The following SYNPR variants were observed in gnomAD, a reference collection of about 807,000 sequenced individuals.
SYNPR encodes synaptoporin.
Under a neutral mutation model 32.9 loss-of-function variants are expected in SYNPR, and 23 were observed. The observed-to-expected ratio is 0.70, with a 90% confidence interval of 0.50 to 0.99. The LOEUF (loss-of-function observed/expected upper bound fraction) is 0.99, where lower values mean the gene tolerates loss of function less well. Among genes scored for constraint, SYNPR ranks in the 50% least tolerant of loss-of-function variants. The pLI is 0.00. For synonymous variants in SYNPR, 146 were observed against 135.9 expected (o/e 1.07, Z -0.52); for missense variants, 318 against 349.3 (o/e 0.91, Z 0.71).
At chr3:63,318,712 C>G (rs914939988) in intron 2 of SYNPR, among the ~76,000 whole-genome samples, 1 of 151,934 alleles carries the variant, frequency 6.6e-6, no homozygotes, top group Non-Finnish European at 1.5e-5. Flanking sequence ...TTCTCTAGTC[C>G]TTCCCTGATT....
At chr3:63,276,952 G>T (rs2086581340), upstream of SYNPR, among the ~76,000 whole-genome samples, 1 of 150,448 alleles carries the variant, frequency 6.6e-6, no homozygotes, top group African/African-American at 2.5e-5. Context: ...AACCTTTTTG[G>T]CAAATCTTTA....
At chr3:63,570,131 G>A (rs970648568) in intron 4 of SYNPR, among the ~76,000 whole-genome samples, 4 of 152,150 alleles carry the variant, frequency 2.6e-5, no homozygotes, top group Admixed American at 2.6e-4. Flanking sequence ...TTCCTGATTA[G>A]AAGATATAGC....
intron 2 of SYNPR, among the ~76,000 whole-genome samples, chr3:63,408,272 A>G (rs1560221091): frequency 1.8e-4 from 20 of 110,744 alleles, no homozygotes; most frequent in Non-Finnish European, 3.1e-4. Flanking sequence ...AAAGAAAGAA[A>G]GAAAGAGGAA....
At chr3:63,587,474 T>C in intron 4 of SYNPR, among the ~76,000 whole-genome samples, 1 of 152,050 alleles carries the variant, frequency 6.6e-6, no homozygotes, top group Admixed American at 6.6e-5. Flanking sequence ...TGTAGAATAG[T>C]AAGTTAATAA....
At chr3:63,536,880 A>G (rs1189946221) in intron 3 of SYNPR, among the ~76,000 whole-genome samples, 1 of 152,164 alleles carries the variant, frequency 6.6e-6, no homozygotes, top group African/African-American at 2.4e-5. Context: ...CCGTTTCTAT[A>G]AAATTTTCAG....
chr3:63,601,407 A>G (rs1700039844), intron 4 of SYNPR, among the ~76,000 whole-genome samples: 1 of 152,158 alleles, frequency 6.6e-6, no homozygotes, highest in South Asian at 2.1e-4. Context: ...GTATAGGTAA[A>G]TTGCATGTCA....
upstream of SYNPR, among the ~76,000 whole-genome samples, chr3:63,225,285 G>A (rs1219123893): frequency 1.3e-5 from 2 of 152,178 alleles, no homozygotes; most frequent in African/African-American, 4.8e-5. Flanking sequence ...CTGAGTTGCA[G>A]GCCATTCATT....
intron 2 of SYNPR, among the ~76,000 whole-genome samples, chr3:63,441,099 T>G (rs879491507): frequency 2.0e-5 from 3 of 152,226 alleles, no homozygotes; most frequent in Non-Finnish European, 4.4e-5. Flanking sequence ...ATTTTAGCTT[T>G]ACCAGGTATT....
chr3:63,283,623 C>CTTTTTT (rs10650958), intron 2 of SYNPR, among the ~76,000 whole-genome samples: 5 of 111,528 alleles, frequency 4.5e-5, no homozygotes, highest in African/African-American at 6.9e-5. Context: ...ACAGATAATT[C>CTTTTTT]TTTTTTTTTT....
At chr3:63,404,869 A>C (rs1309263902) in intron 2 of SYNPR, among the ~76,000 whole-genome samples, 2 of 152,186 alleles carry the variant, frequency 1.3e-5, no homozygotes, top group African/African-American at 4.8e-5. Flanking sequence ...AGACAAAATT[A>C]ACCTCCCCTC....
intron 2 of SYNPR, among the ~76,000 whole-genome samples, chr3:63,363,133 C>T (rs1451645603): frequency 6.6e-6 from 1 of 152,146 alleles, no homozygotes; most frequent in African/African-American, 2.4e-5. Context: ...AGCATTATTT[C>T]CCATAATTAC....
At chr3:63,211,177 C>T in the SYNPR span, among the ~76,000 whole-genome samples, 4 of 152,222 alleles carry the variant, frequency 2.6e-5, no homozygotes, top group African/African-American at 9.6e-5. Flanking sequence ...CAAGCAGTTC[C>T]CTGCCTCAGC....
chr3:63,541,845 A>G (rs919936339), intron 3 of SYNPR, among the ~76,000 whole-genome samples: 4 of 152,156 alleles, frequency 2.6e-5, no homozygotes, highest in Admixed American at 6.6e-5. Flanking sequence ...CAGTGTCCTG[A>G]TATAAAACAA....
At chr3:63,526,434 T>G (rs1702015380) in intron 3 of SYNPR, among the ~76,000 whole-genome samples, 1 of 152,238 alleles carries the variant, frequency 6.6e-6, no homozygotes, top group South Asian at 2.1e-4. Flanking sequence ...CATTTCCCTC[T>G]TATTCATTGC....
At chr3:63,356,695 G>A (rs1464234932) in intron 2 of SYNPR, among the ~76,000 whole-genome samples, 5 of 152,056 alleles carry the variant, frequency 3.3e-5, no homozygotes, top group Admixed American at 1.3e-4. Context: ...TCACCTTTCC[G>A]GTCCCCATGT....
intron 2 of SYNPR, among the ~76,000 whole-genome samples, chr3:63,404,472 C>T (rs900820032): frequency 6.6e-6 from 1 of 152,078 alleles, no homozygotes; most frequent in South Asian, 2.1e-4. Flanking sequence ...AATCAATTAT[C>T]AATTATCTTA....
chr3:63,278,375 G>A lies in SYNPR; in HGVS notation c.-159G>A, dbSNP rs377669446. On this transcript the variant is annotated 5_prime_UTR_variant, in exon 1 of 6. Coordinates refer to ENST00000478300, the MANE Select transcript of SYNPR (RefSeq NM_001130003.2). ...CCGGAGCGCAGAGCCCAGCGTTAGC[G>A]GGTGGGCTCCCCGAGGCCCCCTGCC... 22 of 876,502 alleles carry A rather than the reference G, an allele frequency of 2.5e-5. No homozygotes were observed. In the African/African-American group the frequency reaches 3.6e-4, roughly 14 times the overall value. 54.3% of individuals were successfully genotyped at this position (876,502 alleles called of 1,614,324 possible).
At chr3:63,427,864 C>T (rs2107140894) in intron 2 of SYNPR, among the ~76,000 whole-genome samples, 1 of 152,308 alleles carries the variant, frequency 6.6e-6, no homozygotes, top group Admixed American at 6.5e-5. Flanking sequence ...GTTTAATAAC[C>T]ACCAGAGTGA....
At chr3:63,507,216 A>C (rs921873264) in intron 3 of SYNPR, among the ~76,000 whole-genome samples, 3 of 147,214 alleles carry the variant, frequency 2.0e-5, no homozygotes, top group Non-Finnish European at 4.5e-5. Context: ...TAAGCGGTGC[A>C]TAAAAAGTTT....
Sources: allele counts gnomAD v4.1 joint callset (sites outside exome capture counted in the v4.1 genomes callset), GRCh38; gene constraint gnomAD v4.1.1; transcripts MANE v1.5; gene names NCBI Gene and HGNC (gene_info 2026-07-23, HGNC 2026-07-21).